Variants in PDLIM5 observed in about 807,000 individuals in gnomAD.
The protein encoded by PDLIM5 is PDZ and LIM domain 5.
A neutral mutation model predicts 64.2 loss-of-function variants in PDLIM5; 34 were observed. The observed-to-expected ratio is 0.53, with a 90% CI of 0.40 to 0.71. PDLIM5 has a LOEUF of 0.71. Ranked by LOEUF, PDLIM5 falls within the 30% of genes least tolerant of loss-of-function variation. PDLIM5 has a pLI of 0.00. For missense variants in PDLIM5, 683 were observed against 733.6 expected (o/e 0.93, Z 0.80); for synonymous variants, 253 against 269.1 (o/e 0.94, Z 0.59).
chr4:94,485,400 A>G (rs1253767793), intron 2 of PDLIM5, among the ~76,000 whole-genome samples: 3 of 152,216 alleles, frequency 2.0e-5, no homozygotes, highest in South Asian at 2.1e-4. Flanking sequence ...TGCTACAGCT[A>G]TGTCATCAAG....
intron 7 of PDLIM5, among the ~76,000 whole-genome samples, chr4:94,595,183 C>T (rs1560728839): frequency 6.6e-6 from 1 of 152,178 alleles, no homozygotes; most frequent in Non-Finnish European, 1.5e-5. Flanking sequence ...TACCTCCTGC[C>T]AGGTCCCTCC....
At chr4:94,647,274 A>T (rs1741488657) in intron 9 of PDLIM5, among the ~76,000 whole-genome samples, 1 of 152,190 alleles carries the variant, frequency 6.6e-6, no homozygotes, top group Non-Finnish European at 1.5e-5. Flanking sequence ...AAAATAAAAG[A>T]TACAAATATG....
chr4:94,619,795 T>A (rs1299256461), intron 8 of PDLIM5, among the ~76,000 whole-genome samples: 2 of 152,126 alleles, frequency 1.3e-5, no homozygotes, highest in African/African-American at 2.4e-5. Flanking sequence ...TATTATTATT[T>A]TTTTTCTGGT....
chr4:94,456,649 T>C, intron 2 of PDLIM5: 2 of 930,620 alleles, frequency 2.1e-6, no homozygotes, highest in Non-Finnish European at 3.1e-6. Context: ...TACTGAAGAG[T>C]ATTTGTGGCA....
chr4:94,472,835 A>T (rs1281588574), intron 2 of PDLIM5, among the ~76,000 whole-genome samples: 3 of 152,252 alleles, frequency 2.0e-5, no homozygotes, highest in Non-Finnish European at 4.4e-5. Flanking sequence ...CACTCCATTG[A>T]TTTATTTACT....
intron 3 of PDLIM5, among the ~76,000 whole-genome samples, chr4:94,532,410 C>T (rs1360067960): frequency 1.3e-5 from 2 of 152,178 alleles, no homozygotes; most frequent in Non-Finnish European, 2.9e-5. Context: ...AAGGCAGCCG[C>T]CTAAGCTTCT....
intron 4 of PDLIM5, among the ~76,000 whole-genome samples, chr4:94,573,910 A>C (rs1353379968): frequency 1.3e-5 from 2 of 152,108 alleles, no homozygotes; most frequent in Non-Finnish European, 2.9e-5. Flanking sequence ...ATCTGTGCCT[A>C]TTTATTGAAC....
chr4:94,468,264 T>C (rs1287105135), intron 2 of PDLIM5, among the ~76,000 whole-genome samples: 2 of 152,184 alleles, frequency 1.3e-5, no homozygotes, highest in African/African-American at 2.4e-5. Flanking sequence ...GCGATCCTCC[T>C]GCCTTAGCCT....
intron 8 of PDLIM5, among the ~76,000 whole-genome samples, chr4:94,639,880 A>C (rs927404551): frequency 1.3e-5 from 2 of 152,110 alleles, no homozygotes; most frequent in Non-Finnish European, 2.9e-5. Flanking sequence ...ATACAAAATT[A>C]GCCAGGCATG....
intron 2 of PDLIM5, among the ~76,000 whole-genome samples, chr4:94,475,853 T>A (rs1725276207): frequency 6.6e-6 from 1 of 152,206 alleles, no homozygotes; most frequent in African/African-American, 2.4e-5. Context: ...TATGATTTTT[T>A]AACTAAATTG....
At chr4:94,567,434 T>A (rs1157334516) in intron 3 of PDLIM5, among the ~76,000 whole-genome samples, 1 of 152,080 alleles carries the variant, frequency 6.6e-6, no homozygotes, top group Non-Finnish European at 1.5e-5. Context: ...GAAGAGAAAA[T>A]CTATCAAGTA....
At position 94,536,531 on chromosome 4, in the gene PDLIM5, A is replaced by T. The variant is rs375703419; in HGVS notation, c.248+12656A>T. On this transcript the variant is annotated intron_variant, in intron 3 of 12. Coordinates refer to ENST00000317968, the MANE Select transcript of PDLIM5 (RefSeq NM_006457.5). ...CCCTTCAAAAGCAGAAACAATATGT[A>T]TTTATTTATTACCTACTCCAGTGCC... Among the ~76,000 whole-genome samples, 8 of 152,324 alleles carry T rather than the reference A, an allele frequency of 5.3e-5. 1 individual carries two copies. Among genetic ancestry groups the T allele is most frequent in the African/African-American group, 1.9e-4 (8 of 41,578 alleles).
At chr4:94,578,605 T>G (rs1319615516) in intron 5 of PDLIM5, among the ~76,000 whole-genome samples, 1 of 152,114 alleles carries the variant, frequency 6.6e-6, no homozygotes. Flanking sequence ...GAAATAAAAA[T>G]AAATTACACA....
At chr4:94,595,014 C>A (rs994722399) in intron 7 of PDLIM5, among the ~76,000 whole-genome samples, 1 of 152,092 alleles carries the variant, frequency 6.6e-6, no homozygotes, top group Non-Finnish European at 1.5e-5. Flanking sequence ...AACTTACAAT[C>A]ATGGTGGAAG....
At chr4:94,453,926 A>C (rs1157871603) in intron 1 of PDLIM5, among the ~76,000 whole-genome samples, 1 of 152,150 alleles carries the variant, frequency 6.6e-6, no homozygotes, top group East Asian at 1.9e-4. Context: ...TTTCTGATAC[A>C]ATTTTCTGTA....
chr4:94,625,981 G>C (rs1321199187), intron 8 of PDLIM5, among the ~76,000 whole-genome samples: 1 of 152,142 alleles, frequency 6.6e-6, no homozygotes, highest in Non-Finnish European at 1.5e-5. Flanking sequence ...TAGAATATAA[G>C]TTGTTTTGTG....
At chr4:94,492,623 G>A (rs1726977784) in intron 2 of PDLIM5, among the ~76,000 whole-genome samples, 1 of 152,066 alleles carries the variant, frequency 6.6e-6, no homozygotes, top group African/African-American at 2.4e-5. Context: ...CATATAAATG[G>A]AATCATATGT....
chr4:94,618,392 C>T (rs918126144), intron 8 of PDLIM5, among the ~76,000 whole-genome samples: 2 of 152,122 alleles, frequency 1.3e-5, no homozygotes, highest in Non-Finnish European at 2.9e-5. Context: ...TTGATACAGT[C>T]GCATTTGCTA....
chr4:94,617,104 A>G (rs1738842185), intron 7 of PDLIM5, among the ~76,000 whole-genome samples: 1 of 152,220 alleles, frequency 6.6e-6, no homozygotes, highest in Non-Finnish European at 1.5e-5. Flanking sequence ...ACTTTTAAGA[A>G]TTGTTATTAT....
Sources: gnomAD v4.1 joint callset for allele counts (sites outside exome capture counted in the v4.1 genomes callset) on GRCh38, gnomAD v4.1.1 for gene constraint, MANE v1.5 for transcripts, NCBI Gene and HGNC (gene_info 2026-07-23, HGNC 2026-07-21) for gene names.